REDIC1: variants seen among roughly 807,000 people sequenced by gnomAD.
REDIC1 encodes regulator of DNA class I crossover intermediates 1.
At chr12:39,716,965 C>A in the REDIC1 span, 4 of 548,492 alleles carry the variant, frequency 7.3e-6, no homozygotes, top group Non-Finnish European at 1.1e-5. Context: ...TTAATATAAA[C>A]AAAAAGGTAA....
At chr12:39,760,069 C>T in the REDIC1 span, 2 of 1,612,744 alleles carry the variant, frequency 1.2e-6, no homozygotes, top group Non-Finnish European at 1.7e-6. Flanking sequence ...ATGATAGTTA[C>T]TTCCCTTTAC....
the REDIC1 span, chr12:39,626,211 G>T: frequency 2.0e-6 from 2 of 978,044 alleles, no homozygotes; most frequent in East Asian, 2.5e-5. Context: ...TGGACCAGAA[G>T]GAGCTTACTC....
chr12:39,663,409 T>G, the REDIC1 span, among the ~76,000 whole-genome samples: 3 of 152,090 alleles, frequency 2.0e-5, no homozygotes, highest in Non-Finnish European at 2.9e-5. Flanking sequence ...GCCTGCTCAC[T>G]TTTGGTTTCC....
chr12:39,751,605 A>G, the REDIC1 span, among the ~76,000 whole-genome samples: 1 of 152,238 alleles, frequency 6.6e-6, no homozygotes, highest in Non-Finnish European at 1.5e-5. Context: ...ATGGACATGT[A>G]TGTTTATTGC....
At chr12:39,749,248 A>T in the REDIC1 span, among the ~76,000 whole-genome samples, 1 of 152,198 alleles carries the variant, frequency 6.6e-6, no homozygotes, top group Non-Finnish European at 1.5e-5. Flanking sequence ...ATCACCACCG[A>T]TCCCACAGAA....
chr12:39,743,153 G>A, the REDIC1 span, among the ~76,000 whole-genome samples: 4 of 152,272 alleles, frequency 2.6e-5, no homozygotes, highest in African/African-American at 9.6e-5. Flanking sequence ...AACAAGGCCT[G>A]TCCTCAAGAG....
At chr12:39,820,413 T>C in the REDIC1 span, among the ~76,000 whole-genome samples, 1 of 152,190 alleles carries the variant, frequency 6.6e-6, no homozygotes, top group African/African-American at 2.4e-5. Context: ...TGAATGTCTA[T>C]GCATATTCCA....
At chr12:39,718,154 A>G in the REDIC1 span, among the ~76,000 whole-genome samples, 3 of 152,134 alleles carry the variant, frequency 2.0e-5, no homozygotes, top group East Asian at 5.8e-4. Context: ...TAATCCTTCC[A>G]GAATTTTATG....
At chr12:39,670,517 A>G in the REDIC1 span, among the ~76,000 whole-genome samples, 1 of 152,160 alleles carries the variant, frequency 6.6e-6, no homozygotes, top group Admixed American at 6.5e-5. Flanking sequence ...CTGTTTGACT[A>G]TAATGTGGTG....
At chr12:39,711,899 G>A in the REDIC1 span, among the ~76,000 whole-genome samples, 5 of 72,672 alleles carry the variant, frequency 6.9e-5, no homozygotes, top group African/African-American at 1.3e-4. Context: ...GTGTATACAC[G>A]TATACACATG....
chr12:39,888,350 G>A, the REDIC1 span, among the ~76,000 whole-genome samples: 5,199 of 152,226 alleles, frequency 0.034, 114 homozygotes, highest in Non-Finnish European at 0.051. Context: ...TCAGCTTCCC[G>A]AGCAGCTGGG....
chr12:39,891,652 G>A, the REDIC1 span, among the ~76,000 whole-genome samples: 2 of 152,056 alleles, frequency 1.3e-5, no homozygotes, highest in Non-Finnish European at 2.9e-5. Flanking sequence ...CAATCCTTAA[G>A]GTATGTATTA....
the REDIC1 span, among the ~76,000 whole-genome samples, chr12:39,771,232 G>A: frequency 1.3e-5 from 2 of 152,120 alleles, no homozygotes; most frequent in African/African-American, 4.8e-5. Flanking sequence ...CATGCCTTGT[G>A]TAGTTCCTTT....
the REDIC1 span, among the ~76,000 whole-genome samples, chr12:39,838,690 T>C: frequency 6.6e-6 from 1 of 152,052 alleles, no homozygotes; most frequent in Non-Finnish European, 1.5e-5. Flanking sequence ...TTTCATTCAA[T>C]CAATCGTTTA....
chr12:39,703,061 A>G, the REDIC1 span, among the ~76,000 whole-genome samples: 1 of 152,204 alleles, frequency 6.6e-6, no homozygotes, highest in African/African-American at 2.4e-5. Flanking sequence ...CCTATTCAAC[A>G]TAGTGTTGGA....
chr12:39,719,099 A>G, the REDIC1 span, among the ~76,000 whole-genome samples: 1 of 152,072 alleles, frequency 6.6e-6, no homozygotes, highest in Non-Finnish European at 1.5e-5. Flanking sequence ...CTGTACGTAG[A>G]TTTAGCTTTT....
chr12:39,861,288 GTTTAAGGCAT>G, the REDIC1 span, among the ~76,000 whole-genome samples: 7 of 152,164 alleles, frequency 4.6e-5, no homozygotes, highest in African/African-American at 1.7e-4. Flanking sequence ...GCCAAGCACT[GTTTAAGGCAT>G]TTTCCATATG....
the REDIC1 span, among the ~76,000 whole-genome samples, chr12:39,654,646 G>A: frequency 6.6e-6 from 1 of 151,312 alleles, no homozygotes; most frequent in Admixed American, 6.6e-5. Flanking sequence ...GATTTGGTTT[G>A]CTAATATTTT....
At chr12:39,770,366 C>T in the REDIC1 span, among the ~76,000 whole-genome samples, 1 of 152,128 alleles carries the variant, frequency 6.6e-6, no homozygotes, top group Non-Finnish European at 1.5e-5. Context: ...ACGAAATGAC[C>T]TCTCCAGAAG....
Sources: allele counts gnomAD v4.1 joint callset (sites outside exome capture counted in the v4.1 genomes callset), GRCh38; gene constraint gnomAD v4.1.1; transcripts MANE v1.5; gene names NCBI Gene and HGNC (gene_info 2026-07-23, HGNC 2026-07-21).